TMEM130: variants seen among roughly 807,000 people sequenced by gnomAD.
The protein encoded by TMEM130 is transmembrane protein 130.
A neutral mutation model predicts 42.9 loss-of-function variants in TMEM130; 37 were observed. The ratio of observed to expected loss-of-function variants is 0.86; its 90% CI spans 0.66 to 1.13. The LOEUF is 1.13. Among genes scored for constraint, TMEM130 ranks in the 50% most tolerant of loss-of-function variants. The pLI, the probability that TMEM130 is intolerant of heterozygous loss-of-function variation, is 0.00. For missense variants in TMEM130, 545 were observed against 562.6 expected, an observed-to-expected ratio of 0.97 and a Z score of 0.32; for synonymous variants, 259 against 237.7, an observed-to-expected ratio of 1.09 and a Z score of -0.82.
chr7:98,858,037 C>T (rs933620439), intron 3 of TMEM130, among the ~76,000 whole-genome samples: 16 of 152,062 alleles, frequency 1.1e-4, no homozygotes, highest in African/African-American at 1.9e-4. Context: ...CTACTGCACC[C>T]GGCCAAAAAC....
chr7:98,867,766 T>G (rs1339656733), intron 1 of TMEM130, among the ~76,000 whole-genome samples: 1 of 152,106 alleles, frequency 6.6e-6, no homozygotes, highest in African/African-American at 2.4e-5. Flanking sequence ...ACACTTTTTC[T>G]CAGTCTGTTT....
chr7:98,848,427 C>G (rs1478128984), intron 7 of TMEM130, among the ~76,000 whole-genome samples, 156 bp downstream of exon 7: 2 of 152,162 alleles, frequency 1.3e-5, no homozygotes, highest in African/African-American at 4.8e-5. Flanking sequence ...TTTTCCTGGT[C>G]TACAGATGCC....
At chr7:98,850,273 A>ATATATATATATATATATT in intron 6 of TMEM130, among the ~76,000 whole-genome samples, 1 of 35,452 alleles carries the variant, frequency 2.8e-5, no homozygotes, top group Non-Finnish European at 6.3e-5. Context: ...ATATATATAT[A>ATATATATATATATATATT]TTTTTTTTTT....
intron 1 of TMEM130, among the ~76,000 whole-genome samples, chr7:98,864,112 A>G (rs942542157): frequency 7.1e-4 from 107 of 151,752 alleles, no homozygotes; most frequent in African/African-American, 2.4e-3. Flanking sequence ...TGCCCAAATT[A>G]TATTTTGTTT....
At chr7:98,863,469 G>C (rs1243800219) in intron 1 of TMEM130, 69 bp from the exon 2 acceptor site, 12 of 1,415,318 alleles carry the variant, frequency 8.5e-6, no homozygotes, top group African/African-American at 1.4e-5. Context: ...GCCACCTCTG[G>C]GCTGGCATCA....
chr7:98,860,258 T>TCAGGAC lies in TMEM130; in HGVS notation c.466_471dup (p.Val156_Leu157dup), dbSNP rs782801033. The TCAGGAC allele has an allele frequency of 6.2e-7, 1 of 1,613,848 alleles. No homozygotes were observed. The highest frequency in any genetic ancestry group is 8.5e-7 in the Non-Finnish European group (1 of 1,179,908). On this transcript the variant is annotated inframe_insertion, in exon 3 of 8. Coordinates refer to ENST00000339375, the MANE Select transcript of TMEM130 (RefSeq NM_152913.3). ...GGGTCGTGGAGGAGGAAGGAGACTT[T>TCAGGAC]CAGGACGGTCTTAGTGAGATAGGAG...
At chr7:98,850,502 C>G (rs1430537640) in intron 6 of TMEM130, among the ~76,000 whole-genome samples, 2 of 151,758 alleles carry the variant, frequency 1.3e-5, no homozygotes, top group African/African-American at 4.8e-5. Context: ...TGGTCTCAAA[C>G]TCTTGGCCTC....
intron 1 of TMEM130, among the ~76,000 whole-genome samples, chr7:98,868,143 T>G (rs782445822): frequency 6.6e-6 from 1 of 152,116 alleles, no homozygotes; most frequent in South Asian, 2.1e-4. Context: ...GCAGGAGAAT[T>G]TCTTGAACCC....
intron 5 of TMEM130, among the ~76,000 whole-genome samples, chr7:98,852,867 G>A (rs1794542756): frequency 6.6e-6 from 1 of 152,182 alleles, no homozygotes; most frequent in African/African-American, 2.4e-5. Context: ...AAAGTGCTAG[G>A]ATTGCAGACA....
intron 5 of TMEM130, 136 bp downstream of exon 5, chr7:98,855,104 A>G: frequency 1.7e-6 from 1 of 578,334 alleles, no homozygotes. Context: ...GCCCAGCCTC[A>G]AGACAAAGTG....
intron 6 of TMEM130, among the ~76,000 whole-genome samples, chr7:98,849,866 C>A (rs530408605): frequency 6.6e-6 from 1 of 152,104 alleles, no homozygotes; most frequent in East Asian, 1.9e-4. Context: ...CCTTCAGGAC[C>A]TGAGATCCTA....
At chr7:98,849,161 C>G (rs1328801791) in intron 6 of TMEM130, among the ~76,000 whole-genome samples, 1 of 152,226 alleles carries the variant, frequency 6.6e-6, no homozygotes, top group Non-Finnish European at 1.5e-5. Flanking sequence ...CAGCTTCTCA[C>G]GCTCTGGCAA....
chr7:98,859,047 G>A (rs1794696256), intron 3 of TMEM130, among the ~76,000 whole-genome samples: 1 of 138,924 alleles, frequency 7.2e-6, no homozygotes, highest in Non-Finnish European at 1.5e-5. Context: ...GAAAGGAAGG[G>A]AGAAAGAAGA....
intron 3 of TMEM130, among the ~76,000 whole-genome samples, chr7:98,858,149 A>G (rs1449258022): frequency 1.4e-5 from 2 of 147,662 alleles, no homozygotes; most frequent in African/African-American, 5.3e-5. Flanking sequence ...TCATTTCTGT[A>G]TAATGTTAGT....
In TMEM130 at chr7:98,869,972, G is replaced by T; in HGVS notation, c.-111C>A. 1.4e-6 allele frequency: 1 copy of T among 710,988 alleles called. No individual in the cohort carries two copies. The highest frequency in any genetic ancestry group is 1.9e-6 in the Non-Finnish European group (1 of 514,680). The allele number at this position is 710,988 out of a possible 1,614,324, so 44.0% of individuals were successfully genotyped here. On this transcript the variant is annotated 5_prime_UTR_variant, in exon 1 of 8. Coordinates refer to ENST00000339375, the MANE Select transcript of TMEM130 (RefSeq NM_152913.3). This position sits in a 1 kb window ranked among gnomAD's most constrained non-coding sequence, Gnocchi z 4.7. Reference sequence around the variant, plus strand: ...GCGCGCAGCGCGGGCGGTGCGGGGAGGTGCGGGCGCCGTGCTCGCTCGTCC... The same window carrying T: ...GCGCGCAGCGCGGGCGGTGCGGGGATGTGCGGGCGCCGTGCTCGCTCGTCC...
intron 5 of TMEM130, among the ~76,000 whole-genome samples, chr7:98,854,276 G>T (rs1554398635): frequency 6.6e-6 from 1 of 152,160 alleles, no homozygotes; most frequent in East Asian, 1.9e-4. Flanking sequence ...TGTGAAGGGA[G>T]AGAAGAGAAC....
intron 3 of TMEM130, 29 bp downstream of exon 3, chr7:98,860,150 G>C (rs781849120): frequency 6.2e-7 from 1 of 1,603,920 alleles, no homozygotes; most frequent in East Asian, 2.2e-5. Flanking sequence ...AGTGACAGCT[G>C]TAGGGCCTGC....
chr7:98,863,543 C>T, intron 1 of TMEM130, 143 bp from the exon 2 acceptor site: 1 of 748,848 alleles, frequency 1.3e-6, no homozygotes, highest in Non-Finnish European at 2.1e-6. Flanking sequence ...GCCCAAGGGT[C>T]ACTCAGCCAA....
At chr7:98,867,603 GC>G (rs1794936624) in intron 1 of TMEM130, among the ~76,000 whole-genome samples, 1 of 152,118 alleles carries the variant, frequency 6.6e-6, no homozygotes, top group African/African-American at 2.4e-5. Flanking sequence ...CAGATCGGTT[GC>G]CAGGGGAATG....
Sources: allele counts gnomAD v4.1 joint callset (sites outside exome capture counted in the v4.1 genomes callset), GRCh38; gene constraint gnomAD v4.1.1; non-coding constraint Gnocchi (gnomAD v3.1); transcripts MANE v1.5; gene names NCBI Gene and HGNC (gene_info 2026-07-23, HGNC 2026-07-21).